Variants in TMEM117 observed in about 807,000 individuals in gnomAD.
The protein encoded by TMEM117 is transmembrane protein 117.
Under a neutral mutation model 52.4 loss-of-function variants are expected in TMEM117, and 27 were observed. The observed-to-expected ratio is 0.51, with a 90% CI of 0.38 to 0.71. The LOEUF (loss-of-function observed/expected upper bound fraction) is 0.71. Ranked by LOEUF, TMEM117 falls within the 30% of genes least tolerant of loss-of-function variation. The pLI, the probability that TMEM117 is intolerant of heterozygous loss-of-function variation, is 0.00. For missense variants in TMEM117, 556 were observed against 630.5 expected (o/e 0.88, Z 1.26); for synonymous variants, 215 against 206.3 (o/e 1.04, Z -0.36).
At chr12:44,024,765 TAGTC>T (rs1177556498) in intron 3 of TMEM117, among the ~76,000 whole-genome samples, 3 of 152,120 alleles carry the variant, frequency 2.0e-5, no homozygotes, top group Non-Finnish European at 4.4e-5. Flanking sequence ...TTTTAACGAT[TAGTC>T]AGTGTAGGTA....
intron 5 of TMEM117, among the ~76,000 whole-genome samples, chr12:44,252,931 A>G (rs1302413102): frequency 6.6e-6 from 1 of 152,230 alleles, no homozygotes; most frequent in African/African-American, 2.4e-5. Flanking sequence ...GGTTGTGGTT[A>G]TTAATTATTT....
intron 6 of TMEM117, among the ~76,000 whole-genome samples, chr12:44,301,148 A>G (rs2138644798): frequency 6.6e-6 from 1 of 152,282 alleles, no homozygotes; most frequent in East Asian, 1.9e-4. Context: ...TATATTTGAG[A>G]GCATAAATTC....
At chr12:44,033,360 A>G (rs998000589) in intron 3 of TMEM117, among the ~76,000 whole-genome samples, 1 of 152,170 alleles carries the variant, frequency 6.6e-6, no homozygotes, top group Admixed American at 6.5e-5. Context: ...TACTCTCTTA[A>G]TAAACTTTCT....
At chr12:43,887,020 A>G (rs1295261889) in intron 2 of TMEM117, among the ~76,000 whole-genome samples, 3 of 151,346 alleles carry the variant, frequency 2.0e-5, no homozygotes, top group African/African-American at 7.3e-5. Flanking sequence ...GCTAATTTTT[A>G]TATGTTTCTG....
In TMEM117 at chr12:44,388,693, A is replaced by G; in HGVS notation, c.*21A>G. 1 of 1,601,704 alleles carries G rather than the reference A, an allele frequency of 6.2e-7. No individual in the cohort carries two copies. The highest frequency in any genetic ancestry group is 8.5e-7 in the Non-Finnish European group (1 of 1,174,178). ...ACTAGACTCGGAGATAGACTTGGAGATAACACAAAAAGCAACCTTGAGTGT... is the reference window on the plus strand; with the variant it reads ...ACTAGACTCGGAGATAGACTTGGAGGTAACACAAAAAGCAACCTTGAGTGT... On this transcript the variant is annotated 3_prime_UTR_variant, in exon 8 of 8. Coordinates refer to ENST00000266534, the MANE Select transcript of TMEM117 (RefSeq NM_032256.3).
intron 2 of TMEM117, among the ~76,000 whole-genome samples, chr12:43,847,163 T>C (rs957191858): frequency 4.6e-5 from 7 of 152,130 alleles, no homozygotes; most frequent in African/African-American, 1.2e-4. Flanking sequence ...GAGAAGGAGC[T>C]AGATTAAAGT....
At chr12:44,359,441 T>G (rs1951693653) in intron 6 of TMEM117, among the ~76,000 whole-genome samples, 1 of 152,102 alleles carries the variant, frequency 6.6e-6, no homozygotes, top group Admixed American at 6.6e-5. Context: ...CCACATAAAA[T>G]TATACCATAT....
chr12:44,100,130 G>T (rs1388838300), intron 3 of TMEM117, among the ~76,000 whole-genome samples: 1 of 151,950 alleles, frequency 6.6e-6, no homozygotes, highest in Non-Finnish European at 1.5e-5. Flanking sequence ...GATAGACATG[G>T]TGCTAGGTAT....
chr12:44,370,321 G>T (rs1951845136), intron 6 of TMEM117, among the ~76,000 whole-genome samples: 1 of 151,782 alleles, frequency 6.6e-6, no homozygotes, highest in Non-Finnish European at 1.5e-5. Context: ...CTCAATCTTT[G>T]TTTCACTCTC....
At chr12:43,874,063 T>C (rs1479795704) in intron 2 of TMEM117, among the ~76,000 whole-genome samples, 1 of 152,198 alleles carries the variant, frequency 6.6e-6, no homozygotes, top group Non-Finnish European at 1.5e-5. Flanking sequence ...TTCATTTATT[T>C]ATTCTGTTCT....
chr12:43,880,818 A>G (rs1357983154), intron 2 of TMEM117, among the ~76,000 whole-genome samples: 1 of 152,266 alleles, frequency 6.6e-6, no homozygotes, highest in Non-Finnish European at 1.5e-5. Context: ...GTCTACTTTC[A>G]GGACCTTATG....
intron 3 of TMEM117, among the ~76,000 whole-genome samples, chr12:44,130,907 T>G (rs539729093): frequency 2.6e-5 from 4 of 152,222 alleles, no homozygotes; most frequent in Admixed American, 6.5e-5. Context: ...GACATTGTGC[T>G]TTTTCTGTAT....
rs1731000070 is a variant in TMEM117, at chr12:44,211,143, G to T, written c.511-147G>T. 9.4e-6 allele frequency: 6 copies of T among 634,948 alleles called. No individual in the cohort carries two copies. In the Middle Eastern group the frequency reaches 1.6e-3, roughly 171 times the overall value. 39.3% of individuals were successfully genotyped at this position (634,948 alleles called of 1,614,324 possible). On this transcript the variant is annotated intron_variant, in intron 4 of 7. Coordinates refer to ENST00000266534, the MANE Select transcript of TMEM117 (RefSeq NM_032256.3). ...CTATTAAAGTTTTTAATTGAATGAA[G>T]TATATCCTAATTTTTGTTTCTGCAT...
At chr12:44,246,735 A>G (rs570853131) in intron 5 of TMEM117, among the ~76,000 whole-genome samples, 15 of 152,334 alleles carry the variant, frequency 9.8e-5, no homozygotes, top group African/African-American at 3.1e-4. Flanking sequence ...ATGGAATGGA[A>G]ATAATGCCTG....
intron 2 of TMEM117, among the ~76,000 whole-genome samples, chr12:43,904,881 C>T (rs775712071): frequency 1.8e-4 from 28 of 151,998 alleles, no homozygotes; most frequent in Non-Finnish European, 3.1e-4. Flanking sequence ...TGGTGGCTCA[C>T]GCCTGTAATC....
chr12:44,262,610 A>G (rs1026000592), intron 5 of TMEM117, among the ~76,000 whole-genome samples: 1 of 152,208 alleles, frequency 6.6e-6, no homozygotes, highest in African/African-American at 2.4e-5. Flanking sequence ...GTGATCTACC[A>G]TGATTTTCAT....
At chr12:44,107,562 T>C (rs778480047) in intron 3 of TMEM117, among the ~76,000 whole-genome samples, 2 of 152,104 alleles carry the variant, frequency 1.3e-5, no homozygotes, top group Non-Finnish European at 2.9e-5. Flanking sequence ...AAACATATAA[T>C]TTTAATGTTA....
At chr12:44,215,028 T>C (rs1803079024) in intron 5 of TMEM117, among the ~76,000 whole-genome samples, 1 of 152,204 alleles carries the variant, frequency 6.6e-6, no homozygotes, top group Non-Finnish European at 1.5e-5. Context: ...AGTATTTACA[T>C]ACTTTATGTC....
intron 5 of TMEM117, among the ~76,000 whole-genome samples, chr12:44,250,703 C>T (rs1950186643): frequency 6.6e-6 from 1 of 152,120 alleles, no homozygotes; most frequent in African/African-American, 2.4e-5. Context: ...GTGGATGAAG[C>T]TGGAAGCCAT....
Sources: gnomAD v4.1 joint callset for allele counts (sites outside exome capture counted in the v4.1 genomes callset) on GRCh38, gnomAD v4.1.1 for gene constraint, MANE v1.5 for transcripts, NCBI Gene and HGNC (gene_info 2026-07-23, HGNC 2026-07-21) for gene names.